The following ANKS6 variants were observed in gnomAD, a reference collection of about 807,000 sequenced individuals.
ANKS6 encodes ankyrin repeat and sterile alpha motif domain containing 6, also known as ankyrin repeat and SAM domain-containing protein 6.
Under a neutral mutation model 77.9 loss-of-function variants are expected in ANKS6, and 47 were observed. That is an observed-to-expected ratio of 0.60 (90% CI 0.48 to 0.77). The LOEUF (loss-of-function observed/expected upper bound fraction) is 0.77, where lower values mean the gene tolerates loss of function less well. ANKS6 is among the 30% of genes least tolerant of loss of function. The pLI, the probability that ANKS6 is intolerant of heterozygous loss-of-function variation, is 0.00. For missense variants in ANKS6, 1,150 were observed against 1,159.1 expected (o/e 0.99, Z 0.11); for synonymous variants, 488 against 501.7 (o/e 0.97, Z 0.37).
chr9:98,790,066 G>A (rs1258541033), intron 2 of ANKS6, 38 bp downstream of exon 2: 15 of 1,522,342 alleles, frequency 9.9e-6, no homozygotes, highest in African/African-American at 1.4e-5. Flanking sequence ...ACACAATTTG[G>A]GGTCCTCTGT....
intron 14 of ANKS6, among the ~76,000 whole-genome samples, chr9:98,741,568 A>C (rs767874629): frequency 8.5e-5 from 13 of 152,262 alleles, no homozygotes; most frequent in Non-Finnish European, 1.8e-4. Context: ...AATTTAATAA[A>C]ATCAATATGC....
At chr9:98,784,286 G>C (rs1008436686) in intron 3 of ANKS6, 129 bp from the exon 4 acceptor site, 10 of 830,488 alleles carry the variant, frequency 1.2e-5, no homozygotes, top group Non-Finnish European at 1.8e-5. Context: ...GGCATCATAG[G>C]GGATACTAAG....
chr9:98,769,483 T>C (rs1833507013), intron 10 of ANKS6, among the ~76,000 whole-genome samples: 1 of 152,196 alleles, frequency 6.6e-6, no homozygotes, highest in South Asian at 2.1e-4. Flanking sequence ...AGGGAATTGG[T>C]TAAATGAACT....
Position 98,791,052 on chromosome 9 carries a change from G to A in ANKS6, c.360-446C>T, listed in dbSNP as rs1942916402. Among the ~76,000 whole-genome samples the A allele has an allele frequency of 6.6e-6, 1 of 152,214 alleles. No homozygotes were observed. The highest frequency in any genetic ancestry group is 1.5e-5 in the Non-Finnish European group (1 of 68,038). ...TTATTCAACGTGCCAAGGGTTACCC[G>A]GCTGGTAAGGGGTGGCATCAGGGTC... On this transcript the variant is annotated intron_variant, in intron 1 of 14. Transcript: ENST00000353234. This position sits in a 1 kb window ranked among gnomAD's most constrained non-coding sequence, Gnocchi z 4.3.
At chr9:98,770,546 T>C (rs917614615) in intron 10 of ANKS6, among the ~76,000 whole-genome samples, 1 of 152,146 alleles carries the variant, frequency 6.6e-6, no homozygotes, top group African/African-American at 2.4e-5. Flanking sequence ...TTCGGTTTCA[T>C]CTGCTCAATG....
intron 11 of ANKS6, among the ~76,000 whole-genome samples, chr9:98,759,153 T>C (rs1832881645): frequency 6.6e-6 from 1 of 152,206 alleles, no homozygotes. Context: ...GAGGGTACCA[T>C]ACAGAAGAGT....
In ANKS6 at chr9:98,782,884, ACCAGCCTGGG is replaced by A. The variant is rs1331002693; in HGVS notation, c.1113-321_1113-312del. Among the ~76,000 whole-genome samples the A allele has an allele frequency of 2.6e-5, 4 of 152,090 alleles. No individual in the cohort carries two copies. The East Asian group carries it at 7.7e-4, about 29-fold the overall frequency. On this transcript the variant is annotated intron_variant, in intron 4 of 14. Coordinates refer to ENST00000353234, the MANE Select transcript of ANKS6 (RefSeq NM_173551.5). Reference sequence around the variant, plus strand: ...GATCACTTGAGCCCAGGAATTTGAGACCAGCCTGGGCAACATGGGGGGCCCTGTCTCTACT... The same window carrying A: ...GATCACTTGAGCCCAGGAATTTGAGACAACATGGGGGGCCCTGTCTCTACT...
intron 11 of ANKS6, among the ~76,000 whole-genome samples, chr9:98,765,217 A>C (rs1445888609): frequency 6.6e-6 from 1 of 152,246 alleles, no homozygotes; most frequent in Non-Finnish European, 1.5e-5. Flanking sequence ...TATTCCAGCC[A>C]AAAGCAAAGA....
chr9:98,787,907 T>A (rs1390989059), intron 2 of ANKS6, among the ~76,000 whole-genome samples: 1 of 152,172 alleles, frequency 6.6e-6, no homozygotes, highest in Non-Finnish European at 1.5e-5. Flanking sequence ...TATGGAGTAA[T>A]CCACTTCCCA....
chr9:98,742,740 G>A (rs1452628258), intron 14 of ANKS6, among the ~76,000 whole-genome samples: 1 of 151,108 alleles, frequency 6.6e-6, no homozygotes. Flanking sequence ...TTGTGAGCTG[G>A]TGAGCTGGGC....
At position 98,735,468 on chromosome 9, in the gene ANKS6, T is replaced by C. The variant is rs1007039091; in HGVS notation, c.*1051A>G. 31 of 1,219,468 alleles carry C rather than the reference T, an allele frequency of 2.5e-5. No homozygotes were observed. The African/African-American group carries it at 4.0e-4, about 16-fold the overall frequency. 75.5% of individuals were successfully genotyped at this position (1,219,468 alleles called of 1,614,324 possible). ...TCTAATTTAATAAAATATGATATGG[T>C]AGGAAACTACACAAGCCAATTCCCT... On this transcript the variant is annotated 3_prime_UTR_variant, in exon 15 of 15. Transcript: ENST00000353234.
At chr9:98,759,634 T>C (rs950479298) in intron 11 of ANKS6, among the ~76,000 whole-genome samples, 1 of 152,234 alleles carries the variant, frequency 6.6e-6, no homozygotes, top group African/African-American at 2.4e-5. Flanking sequence ...CTTACATTTA[T>C]GGGTTTATAT....
At chr9:98,769,924 A>G (rs1012086441) in intron 10 of ANKS6, among the ~76,000 whole-genome samples, 4 of 152,214 alleles carry the variant, frequency 2.6e-5, no homozygotes, top group Admixed American at 6.5e-5. Context: ...CCAAATATAT[A>G]TATGAAAATG....
chr9:98,762,411 C>G (rs1833065136), intron 11 of ANKS6, among the ~76,000 whole-genome samples: 1 of 152,044 alleles, frequency 6.6e-6, no homozygotes, highest in Non-Finnish European at 1.5e-5. Flanking sequence ...ATCTGTATGC[C>G]TTTTATTTTT....
Position 98,732,858 on chromosome 9 carries a change from G to A in ANKS6, c.*3661C>T. On this transcript the variant is annotated 3_prime_UTR_variant, in exon 15 of 15. Coordinates refer to ENST00000353234, the MANE Select transcript of ANKS6 (RefSeq NM_173551.5). ...AAAACAGAAAAACAGGCACCCAACTGACCCTTCCTCCCTGACGATCTAGAA... is the reference window on the plus strand; with the variant it reads ...AAAACAGAAAAACAGGCACCCAACTAACCCTTCCTCCCTGACGATCTAGAA... The A allele has an allele frequency of 5.0e-6, 6 of 1,193,836 alleles. No individual in the cohort carries two copies. The highest frequency in any genetic ancestry group is 6.3e-6 in the Non-Finnish European group (6 of 958,398). 74.0% of individuals were successfully genotyped at this position (1,193,836 alleles called of 1,614,324 possible).
chr9:98,746,505 G>T (rs1366665756), intron 13 of ANKS6, among the ~76,000 whole-genome samples: 1 of 151,546 alleles, frequency 6.6e-6, no homozygotes, highest in Non-Finnish European at 1.5e-5. Flanking sequence ...GATAGACGGA[G>T]TCATTTAACC....
Position 98,756,620 on chromosome 9 carries a change from GACAAATACATAAGCCATC to G in ANKS6, c.2143-35_2143-18del. On this transcript the variant is annotated intron_variant, in intron 11 of 14. Coordinates refer to ENST00000353234, the MANE Select transcript of ANKS6 (RefSeq NM_173551.5). ...CTCCAATTTCTGCTGAACAGAGTAA[GACAAATACATAAGCCATC>G]ACCTGTAGGGTAGAAATGAGGAAAA... 6.7e-7 allele frequency: 1 copy of G among 1,491,186 alleles called. No individual in the cohort carries two copies. The highest frequency in any genetic ancestry group is 1.4e-5 in the South Asian group (1 of 70,912). 92.4% of individuals were successfully genotyped at this position (1,491,186 alleles called of 1,614,324 possible). A position where few individuals can be genotyped will look rare whatever the true frequency, so the allele number is the denominator to read the frequency against.
chr9:98,768,253 G>C lies in ANKS6; in HGVS notation c.1973-3C>G, dbSNP rs397514257. The C allele has an allele frequency of 4.0e-5, 64 of 1,613,750 alleles. No individual in the cohort carries two copies. The highest frequency in any genetic ancestry group is 4.5e-5 in the Non-Finnish European group (53 of 1,180,046). On this transcript the variant is annotated splice_polypyrimidine_tract_variant and splice_region_variant and intron_variant, in intron 10 of 14. Coordinates refer to ENST00000353234, the MANE Select transcript of ANKS6 (RefSeq NM_173551.5). The stretch of plus-strand genomic sequence containing the variant: ...CAAGACATTGTCTATGCTGCCACCT[G>C]AGGAAACACAAAATGAGTGAACACC...
At chr9:98,782,187 T>C (rs1834307499) in intron 5 of ANKS6, among the ~76,000 whole-genome samples, 1 of 152,200 alleles carries the variant, frequency 6.6e-6, no homozygotes, top group South Asian at 2.1e-4. Context: ...GTGTGTGGAC[T>C]GCAAAGTCAG....
Sources: allele counts gnomAD v4.1 joint callset (sites outside exome capture counted in the v4.1 genomes callset), GRCh38; gene constraint gnomAD v4.1.1; non-coding constraint Gnocchi (gnomAD v3.1); transcripts MANE v1.5; gene names NCBI Gene and HGNC (gene_info 2026-07-23, HGNC 2026-07-21).